Variants in PCBP3 observed in about 807,000 individuals in gnomAD.
The protein encoded by PCBP3 is poly(rC) binding protein 3, also known as poly(rC)-binding protein 3.
In PCBP3, 25 loss-of-function variants were observed where a neutral mutation model predicts 52.7. The ratio of observed to expected loss-of-function variants is 0.47; its 90% CI spans 0.35 to 0.66. The LOEUF (loss-of-function observed/expected upper bound fraction) is 0.66. Among genes scored for constraint, PCBP3 ranks in the 30% least tolerant of loss-of-function variants. PCBP3 has a pLI of 0.01. For synonymous variants in PCBP3, 162 were observed against 183.0 expected, an observed-to-expected ratio of 0.89 and a Z score of 0.93; for missense variants, 391 against 490.3, an observed-to-expected ratio of 0.80 and a Z score of 1.91.
At chr21:45,686,604 G>T (rs1409808940) in intron 2 of PCBP3, among the ~76,000 whole-genome samples, 1 of 152,110 alleles carries the variant, frequency 6.6e-6, no homozygotes, top group Non-Finnish European at 1.5e-5. Context: ...ACCCTGAAAG[G>T]TAGAGATGAT....
intron 4 of PCBP3, among the ~76,000 whole-genome samples, chr21:45,815,036 ATGAGTGG>A (rs555423276): frequency 8.4e-5 from 5 of 59,484 alleles, no homozygotes; most frequent in African/African-American, 3.9e-4. Context: ...TGAGTGAGTG[ATGAGTGG>A]TGAGTGGTGA....
chr21:45,881,471 T>A (rs1393096773), intron 5 of PCBP3, among the ~76,000 whole-genome samples: 2 of 152,154 alleles, frequency 1.3e-5, no homozygotes, highest in African/African-American at 2.4e-5. Flanking sequence ...TTTCAACATT[T>A]TGTAGAGATG....
intron 4 of PCBP3, chr21:45,763,082 A>C (rs1340153093): frequency 6.6e-6 from 1 of 152,072 alleles, no homozygotes; most frequent in Non-Finnish European, 1.5e-5. Context: ...TACCTCTTAG[A>C]AGGCCGGACG....
At chr21:45,773,500 G>A (rs539286432) in intron 4 of PCBP3, among the ~76,000 whole-genome samples, 3 of 152,188 alleles carry the variant, frequency 2.0e-5, no homozygotes, top group Non-Finnish European at 4.4e-5. Flanking sequence ...TTTAAGAAAT[G>A]TCTATTCATG....
At chr21:45,887,006 G>A (rs1327853813) in intron 5 of PCBP3, among the ~76,000 whole-genome samples, 1 of 152,232 alleles carries the variant, frequency 6.6e-6, no homozygotes, top group Non-Finnish European at 1.5e-5. Flanking sequence ...AACATTTCCA[G>A]CCTCACTGTG....
intron 4 of PCBP3, among the ~76,000 whole-genome samples, chr21:45,776,836 C>G (rs570668292): frequency 2.1e-4 from 32 of 152,234 alleles, no homozygotes; most frequent in African/African-American, 7.0e-4. Context: ...GTTTCTGGAG[C>G]ATTTAACCTG....
intron 5 of PCBP3, among the ~76,000 whole-genome samples, chr21:45,860,037 G>A (rs1347858459): frequency 6.6e-6 from 1 of 152,202 alleles, no homozygotes; most frequent in East Asian, 1.9e-4. Context: ...AAGCATGGGG[G>A]TGTCCTCGGC....
chr21:45,932,141 A>G (rs879106857), intron 15 of PCBP3, among the ~76,000 whole-genome samples: 31 of 139,464 alleles, frequency 2.2e-4, no homozygotes, highest in South Asian at 1.7e-3. Flanking sequence ...ATGAACACCT[A>G]GTCCATGCCA....
At chr21:45,899,247 A>G (rs2095954117) in intron 6 of PCBP3, among the ~76,000 whole-genome samples, 1 of 152,154 alleles carries the variant, frequency 6.6e-6, no homozygotes, top group East Asian at 1.9e-4. Flanking sequence ...TATTTTTCAC[A>G]CATTTCTTCC....
chr21:45,755,133 G>A (rs936425283), intron 3 of PCBP3, among the ~76,000 whole-genome samples: 3 of 152,084 alleles, frequency 2.0e-5, no homozygotes, highest in Non-Finnish European at 4.4e-5. Context: ...CCCTTCTGAA[G>A]CCCCTGACAA....
chr21:45,839,790 A>G (rs2147963496), intron 4 of PCBP3, among the ~76,000 whole-genome samples: 1 of 152,180 alleles, frequency 6.6e-6, no homozygotes, highest in South Asian at 2.1e-4. Context: ...AGGTTCAAGC[A>G]GTTCTCCTGC....
intron 2 of PCBP3, among the ~76,000 whole-genome samples, chr21:45,712,598 T>C (rs1167622030): frequency 6.6e-6 from 1 of 152,224 alleles, no homozygotes; most frequent in Non-Finnish European, 1.5e-5. Context: ...TTACTGACAC[T>C]GTACACGTTG....
intron 4 of PCBP3, among the ~76,000 whole-genome samples, chr21:45,826,088 G>T (rs1249913415): frequency 1.3e-5 from 2 of 151,996 alleles, no homozygotes; most frequent in Non-Finnish European, 2.9e-5. Flanking sequence ...GAGAAACCCT[G>T]TCTCTACTAA....
At chr21:45,646,331 A>C (rs1408253612) in intron 1 of PCBP3, among the ~76,000 whole-genome samples, 3 of 152,050 alleles carry the variant, frequency 2.0e-5, no homozygotes, top group Non-Finnish European at 4.4e-5. Flanking sequence ...TCCTTTGCTT[A>C]GTCTTCACTG....
intron 4 of PCBP3, among the ~76,000 whole-genome samples, chr21:45,835,381 C>T (rs1180715851): frequency 3.3e-5 from 5 of 152,144 alleles, no homozygotes; most frequent in East Asian, 1.9e-4. Context: ...CTCCTGTGCA[C>T]GGGGGTCACA....
At position 45,796,799 on chromosome 21, in the gene PCBP3, T is replaced by C. The variant is rs934940354; in HGVS notation, c.-126+41347T>C. 2.6e-5 allele frequency among the ~76,000 whole-genome samples: 4 copies of C among 152,224 alleles called. 1 individual carries two copies. The highest frequency in any genetic ancestry group is 4.4e-5 in the Non-Finnish European group (3 of 68,042). Reference sequence around the variant, plus strand: ...GATGTTATTTAGTTTCTTATTTTCTTTTGTCTTTTAAAAAACTTTGTATGG... The same window carrying C: ...GATGTTATTTAGTTTCTTATTTTCTCTTGTCTTTTAAAAAACTTTGTATGG... On this transcript the variant is annotated intron_variant, in intron 4 of 17. Coordinates refer to ENST00000681687, the MANE Select transcript of PCBP3 (RefSeq NM_001384156.1).
At chr21:45,692,662 C>G (rs558825571) in intron 2 of PCBP3, among the ~76,000 whole-genome samples, 1 of 152,120 alleles carries the variant, frequency 6.6e-6, no homozygotes, top group African/African-American at 2.4e-5. Flanking sequence ...GTTAAAAACT[C>G]TAAGCTCAGA....
intron 2 of PCBP3, among the ~76,000 whole-genome samples, chr21:45,712,608 G>A (rs1482654437): frequency 6.6e-6 from 1 of 151,934 alleles, no homozygotes; most frequent in East Asian, 1.9e-4. Context: ...TGTACACGTT[G>A]GTTTGTGGTC....
chr21:45,804,207 A>G (rs1454049601), intron 4 of PCBP3, among the ~76,000 whole-genome samples: 1 of 152,190 alleles, frequency 6.6e-6, no homozygotes, highest in Non-Finnish European at 1.5e-5. Context: ...CCTCCTGTGC[A>G]CCGGGCTTTG....
Sources: allele counts gnomAD v4.1 joint callset (sites outside exome capture counted in the v4.1 genomes callset), GRCh38; gene constraint gnomAD v4.1.1; transcripts MANE v1.5; gene names NCBI Gene and HGNC (gene_info 2026-07-23, HGNC 2026-07-21).